SPNS3: variants seen among roughly 807,000 people sequenced by gnomAD.
SPNS3 encodes protein spinster homolog 3.
Under a neutral mutation model 54.4 loss-of-function variants are expected in SPNS3, and 51 were observed. The observed-to-expected ratio is 0.94, with a 90% CI of 0.75 to 1.18. SPNS3 has a LOEUF of 1.18. Ranked by LOEUF, SPNS3 falls within the 50% of genes most tolerant of loss-of-function variation. The pLI is 0.00. For synonymous variants in SPNS3, 309 were observed against 294.7 expected, an observed-to-expected ratio of 1.05 and a Z score of -0.50; for missense variants, 669 against 677.4, an observed-to-expected ratio of 0.99 and a Z score of 0.14.
At chr17:4,456,770 A>C (rs1971326971) in intron 8 of SPNS3, among the ~76,000 whole-genome samples, 2 of 151,574 alleles carry the variant, frequency 1.3e-5, no homozygotes, top group Admixed American at 6.6e-5. Context: ...GCTGGAGTGC[A>C]GTGGAGCGAT....
intron 2 of SPNS3, among the ~76,000 whole-genome samples, chr17:4,440,471 TAC>T (rs780879817): frequency 1.3e-5 from 2 of 152,226 alleles, no homozygotes; most frequent in Non-Finnish European, 2.9e-5. Flanking sequence ...TCCCTGGGGA[TAC>T]ACAGTCACTT....
chr17:4,445,941 G>C (rs1416826772), intron 3 of SPNS3, 107 bp from the exon 4 acceptor site: 1 of 1,323,868 alleles, frequency 7.6e-7, no homozygotes, highest in East Asian at 2.4e-5. Context: ...TCCCTACTCT[G>C]GGGTCCTGTG....
intron 8 of SPNS3, among the ~76,000 whole-genome samples, chr17:4,476,257 A>T (rs573617745): frequency 1.2e-4 from 18 of 152,336 alleles, no homozygotes; most frequent in Admixed American, 9.2e-4. Flanking sequence ...GCCGGCCTCC[A>T]GGTGTGTCTG....
At chr17:4,467,960 G>T (rs909543562) in intron 8 of SPNS3, among the ~76,000 whole-genome samples, 1 of 152,154 alleles carries the variant, frequency 6.6e-6, no homozygotes, top group South Asian at 2.1e-4. Flanking sequence ...CATGGGCGAC[G>T]GCGCCTGGCT....
At chr17:4,458,570 TTTCTTTCTTCCTTCCC>T (rs1480730480) in intron 8 of SPNS3, among the ~76,000 whole-genome samples, 6 of 135,940 alleles carry the variant, frequency 4.4e-5, no homozygotes, top group South Asian at 2.6e-4. Flanking sequence ...CCTTCCCTCC[TTTCTTTCTTCCTTCCC>T]TCCTTTCTTT....
In SPNS3 at chr17:4,487,889, C is replaced by A. The variant is rs1206751917; in HGVS notation, c.1534C>A (p.Pro512Thr). 2 of 1,613,592 alleles carry A rather than the reference C, an allele frequency of 1.2e-6. No homozygotes were observed. ...LSGAGASTEE[P>T] ...GGGCGCTGGCGCCTCTACAGAGGAG[C>A]CCTGAGGTCCCTGCCTACACTCGTC... The change falls in exon 12 of 12, where the codon CCC becomes ACC. Residue 512 changes from proline to threonine, a missense_variant. Physicochemically the swap from Pro to Thr is conservative, Grantham distance 38 (BLOSUM62 -1). Coordinates refer to ENST00000355530, the MANE Select transcript of SPNS3 (RefSeq NM_182538.5).
At chr17:4,440,529 T>G (rs1970823232) in intron 2 of SPNS3, among the ~76,000 whole-genome samples, 1 of 152,140 alleles carries the variant, frequency 6.6e-6, no homozygotes, top group South Asian at 2.1e-4. Context: ...ACTGATTTAT[T>G]TCTAGATTCT....
At chr17:4,453,970 A>G (rs1244700661) in intron 8 of SPNS3, among the ~76,000 whole-genome samples, 1 of 152,152 alleles carries the variant, frequency 6.6e-6, no homozygotes, top group Non-Finnish European at 1.5e-5. Context: ...CCGTGTGGGC[A>G]CACACACTTC....
At chr17:4,448,444 A>G (rs1597310908) in intron 6 of SPNS3, 141 bp downstream of exon 6, 3 of 789,586 alleles carry the variant, frequency 3.8e-6, no homozygotes, top group African/African-American at 1.8e-5. Context: ...CTGAGATCGC[A>G]CTTACCAACT....
intron 8 of SPNS3, among the ~76,000 whole-genome samples, chr17:4,470,286 A>G (rs887824416): frequency 2.0e-5 from 3 of 151,912 alleles, no homozygotes; most frequent in Non-Finnish European, 4.4e-5. Flanking sequence ...AAAATTAACT[A>G]AGTGTGGTGG....
rs762646648 is a variant in SPNS3, at chr17:4,487,878, C to G, written c.1523C>G (p.Ser508Cys). 5.0e-6 allele frequency: 8 copies of G among 1,613,946 alleles called. No homozygotes were observed. In the East Asian group the frequency reaches 1.8e-4, roughly 36 times the overall value. Residue 508 changes from serine to cysteine, a missense_variant, in exon 12 of 12, where the codon TCT becomes TGT. Ser to Cys is a moderately radical substitution (Grantham distance 112). Transcript: ENST00000355530. ...RQGLLSGAGASTEEP is the reference protein window; with the variant it reads ...RQGLLSGAGACTEEP ...GGCCTACTTTCGGGCGCTGGCGCCT[C>G]TACAGAGGAGCCCTGAGGTCCCTGC... is the stretch of plus-strand genomic sequence containing the variant.
At chr17:4,460,717 C>T (rs930001334) in intron 8 of SPNS3, among the ~76,000 whole-genome samples, 2 of 151,770 alleles carry the variant, frequency 1.3e-5, no homozygotes, top group Non-Finnish European at 2.9e-5. Context: ...GCTGGGATTA[C>T]AGGTGTGAGC....
intron 1 of SPNS3, 32 bp downstream of exon 1, chr17:4,434,198 C>A: frequency 6.4e-7 from 1 of 1,572,694 alleles, no homozygotes; most frequent in Non-Finnish European, 8.7e-7. Flanking sequence ...TGGGCAGTAC[C>A]TGCTGCTGTG....
chr17:4,447,982 G>C (rs1971042502), intron 5 of SPNS3, among the ~76,000 whole-genome samples, 173 bp from the exon 6 acceptor site: 1 of 152,182 alleles, frequency 6.6e-6, no homozygotes, highest in Non-Finnish European at 1.5e-5. Flanking sequence ...GAGAAACAGT[G>C]GTACATCCTG....
At position 4,483,038 on chromosome 17, in the gene SPNS3, T is replaced by C. The variant is rs1372425050; in HGVS notation, c.1180-3190T>C. Among the ~76,000 whole-genome samples, 1 of 152,148 alleles carries C rather than the reference T, an allele frequency of 6.6e-6. No homozygotes were observed. Among genetic ancestry groups the C allele is most frequent in the Admixed American group, 6.5e-5 (1 of 15,278 alleles). On this transcript the variant is annotated intron_variant, in intron 9 of 11. Transcript: ENST00000355530. This position sits in a 1 kb window ranked among gnomAD's most constrained non-coding sequence, Gnocchi z 4.2. ...ACGTCCCCACAGTTCCCCGGAGAGTTGTCACCTCTGCGTTCTCCCCCTGCC... is the reference window on the plus strand; with the variant it reads ...ACGTCCCCACAGTTCCCCGGAGAGTCGTCACCTCTGCGTTCTCCCCCTGCC...
intron 9 of SPNS3, chr17:4,484,887 A>G (rs1972268402): frequency 6.6e-6 from 1 of 152,254 alleles, no homozygotes; most frequent in Admixed American, 6.5e-5. Flanking sequence ...GGTGTCTTGC[A>G]GGGACCCCAA....
chr17:4,486,584 G>A lies in SPNS3; in HGVS notation c.1450+1G>A. On this transcript the variant is annotated splice_donor_variant, in intron 11 of 11. Coordinates refer to ENST00000355530, the MANE Select transcript of SPNS3 (RefSeq NM_182538.5). LOFTEE classifies it high-confidence loss of function. This position sits in a 1 kb window ranked among gnomAD's most constrained non-coding sequence, Gnocchi z 5.5. ...ACCCGGGCCTGGCAGCCTGTCACAG[G>A]TACCCTACCCATTGCACCAGGCCCG... 2 of 1,610,388 alleles carry A rather than the reference G, an allele frequency of 1.2e-6. No homozygotes were observed. The highest frequency in any genetic ancestry group is 1.7e-6 in the Non-Finnish European group (2 of 1,178,188).
chr17:4,445,968 G>A, intron 3 of SPNS3, 80 bp from the exon 4 acceptor site: 2 of 1,505,090 alleles, frequency 1.3e-6, no homozygotes, highest in East Asian at 2.3e-5. Context: ...GGTCCCCTTG[G>A]CTCCTCCGAC....
At position 4,448,146 on chromosome 17, in the gene SPNS3, T is replaced by G. The variant is rs757477722; in HGVS notation, c.622-9T>G. ...CGGCCCTGAGCTTCCTGGGCCCTCC[T>G]GTCCCCAGGTCATGCCCTGCCTGGA... On this transcript the variant is annotated splice_polypyrimidine_tract_variant and intron_variant, in intron 5 of 11. Transcript: ENST00000355530. 3.2e-6 allele frequency: 5 copies of G among 1,573,304 alleles called. No homozygotes were observed. In the South Asian group the frequency reaches 5.9e-5, roughly 19 times the overall value.
Sources: gnomAD v4.1 joint callset for allele counts (sites outside exome capture counted in the v4.1 genomes callset) on GRCh38, gnomAD v4.1.1 for gene constraint, Gnocchi (gnomAD v3.1) non-coding constraint, MANE v1.5 for transcripts, NCBI Gene and HGNC (gene_info 2026-07-23, HGNC 2026-07-21) for gene names.